Variants in WDR64 observed in about 807,000 individuals in gnomAD.
The protein encoded by WDR64 is WD repeat domain 64.
A neutral mutation model predicts 139.3 loss-of-function variants in WDR64; 112 were observed. The observed-to-expected ratio is 0.80, with a 90% CI of 0.69 to 0.94. The LOEUF is 0.94. WDR64 is among the 40% of genes least tolerant of loss of function. The pLI is 0.00. For synonymous variants in WDR64, 444 were observed against 437.7 expected (o/e 1.01, Z -0.18); for missense variants, 1,206 against 1,293.1 (o/e 0.93, Z 1.03).
At chr1:241,702,218 C>T (rs1667743645) in intron 8 of WDR64, among the ~76,000 whole-genome samples, 1 of 152,158 alleles carries the variant, frequency 6.6e-6, no homozygotes, top group Non-Finnish European at 1.5e-5. Flanking sequence ...ATTTACCCAA[C>T]TCAGAGGCAG....
intron 19 of WDR64, among the ~76,000 whole-genome samples, chr1:241,771,939 TACATAC>T (rs1397752993): frequency 1.6e-3 from 105 of 64,650 alleles, no homozygotes; most frequent in African/African-American, 8.4e-3. Context: ...TATACATACA[TACATAC>T]ATATATATAT....
chr1:241,785,077 C>A (rs1658991320), intron 23 of WDR64, among the ~76,000 whole-genome samples: 1 of 151,740 alleles, frequency 6.6e-6, no homozygotes, highest in African/African-American at 2.4e-5. Context: ...TCTGCTCCAG[C>A]TTATTTTCAG....
intron 8 of WDR64, among the ~76,000 whole-genome samples, chr1:241,691,566 A>T (rs544247521): frequency 6.6e-6 from 1 of 152,040 alleles, no homozygotes; most frequent in Non-Finnish European, 1.5e-5. Flanking sequence ...TCAACTTGTA[A>T]AAAACATCTA....
intron 10 of WDR64, among the ~76,000 whole-genome samples, chr1:241,736,527 G>A (rs1416182510): frequency 6.6e-6 from 1 of 151,958 alleles, no homozygotes; most frequent in Non-Finnish European, 1.5e-5. Flanking sequence ...GAATAAGAAG[G>A]TTTTTGGAAA....
intron 9 of WDR64, among the ~76,000 whole-genome samples, chr1:241,712,840 G>A (rs926973265): frequency 1.3e-5 from 2 of 152,076 alleles, no homozygotes; most frequent in African/African-American, 4.8e-5. Flanking sequence ...TGAGGCAGAG[G>A]ATCACGTGAG....
At chr1:241,660,394 CT>C in intron 1 of WDR64, 135 bp from the exon 2 acceptor site, 5 of 1,143,052 alleles carry the variant, frequency 4.4e-6, no homozygotes, top group Non-Finnish European at 6.1e-6. Flanking sequence ...AAGACAAGGT[CT>C]TTAAAATGCA....
At chr1:241,722,650 A>G (rs1238519416) in intron 9 of WDR64, among the ~76,000 whole-genome samples, 4 of 152,192 alleles carry the variant, frequency 2.6e-5, no homozygotes. Context: ...ATCTAGAAAT[A>G]TATCTAATTT....
chr1:241,768,298 CAT>C (rs1658269566), intron 16 of WDR64, among the ~76,000 whole-genome samples: 1 of 152,146 alleles, frequency 6.6e-6, no homozygotes. Flanking sequence ...TTTTGCAAAA[CAT>C]ATGATTTAGC....
chr1:241,719,582 A>G (rs1490968508), intron 9 of WDR64, among the ~76,000 whole-genome samples: 1 of 152,190 alleles, frequency 6.6e-6, no homozygotes, highest in African/African-American at 2.4e-5. Context: ...TCATAGAATT[A>G]TGGAAGCATC....
At chr1:241,795,789 G>GTT (rs1659345377) in intron 26 of WDR64, among the ~76,000 whole-genome samples, 1 of 152,086 alleles carries the variant, frequency 6.6e-6, no homozygotes, top group Non-Finnish European at 1.5e-5. Context: ...ACCTTTGTTA[G>GTT]ACAACTAATT....
intron 23 of WDR64, among the ~76,000 whole-genome samples, chr1:241,786,561 C>G (rs910266926): frequency 6.6e-6 from 1 of 152,200 alleles, no homozygotes. Flanking sequence ...TTGCCATCCT[C>G]TTTCAGAACT....
chr1:241,721,473 A>G (rs540412352), intron 9 of WDR64, among the ~76,000 whole-genome samples: 17 of 152,210 alleles, frequency 1.1e-4, no homozygotes, highest in African/African-American at 4.1e-4. Flanking sequence ...GTCCTTGGTA[A>G]TATGTAAGGT....
At chr1:241,770,537 G>T (rs1211635137) in intron 17 of WDR64, 84 bp from the exon 18 acceptor site, 1 of 1,246,186 alleles carries the variant, frequency 8.0e-7, no homozygotes, top group Admixed American at 2.2e-5. Context: ...GCAATCAGCT[G>T]AAATTAAAGC....
intron 2 of WDR64, among the ~76,000 whole-genome samples, chr1:241,665,785 G>A (rs757512658): frequency 6.6e-6 from 1 of 151,958 alleles, no homozygotes; most frequent in Non-Finnish European, 1.5e-5. Flanking sequence ...GTTTCCAGTG[G>A]GCAACTTATA....
chr1:241,719,376 A>T (rs537005062), intron 9 of WDR64, among the ~76,000 whole-genome samples: 16 of 152,286 alleles, frequency 1.1e-4, no homozygotes, highest in African/African-American at 3.6e-4. Context: ...GTCCAGACAA[A>T]TAATTAACTA....
chr1:241,652,690 T>G, intron 1 of WDR64, 61 bp downstream of exon 1: 3 of 1,527,272 alleles, frequency 2.0e-6, no homozygotes, highest in Non-Finnish European at 2.6e-6. Context: ...GGAAAATGTT[T>G]TAAGCCATCA....
At chr1:241,672,534 G>A (rs1350639568) in intron 3 of WDR64, among the ~76,000 whole-genome samples, 3 of 152,216 alleles carry the variant, frequency 2.0e-5, no homozygotes, top group Non-Finnish European at 4.4e-5. Context: ...AAATGCTAGA[G>A]ACAGAGCGGT....
At chr1:241,730,501 A>G (rs1012333481) in intron 10 of WDR64, among the ~76,000 whole-genome samples, 2 of 152,172 alleles carry the variant, frequency 1.3e-5, no homozygotes, top group Non-Finnish European at 2.9e-5. Flanking sequence ...CACCTCTACC[A>G]GCTTTCAGAC....
At chr1:241,769,664 G>T (rs1199666652) in intron 17 of WDR64, among the ~76,000 whole-genome samples, 159 bp downstream of exon 17, 2 of 152,234 alleles carry the variant, frequency 1.3e-5, no homozygotes, top group Admixed American at 6.5e-5. Context: ...AAAGACATCA[G>T]TTGGGTTGAC....
Sources: gnomAD v4.1 joint callset for allele counts (sites outside exome capture counted in the v4.1 genomes callset) on GRCh38, gnomAD v4.1.1 for gene constraint, MANE v1.5 for transcripts, NCBI Gene and HGNC (gene_info 2026-07-23, HGNC 2026-07-21) for gene names.